Variants in ABHD12 observed in about 807,000 individuals in gnomAD.
ABHD12 encodes lysophosphatidylserine lipase ABHD12.
ABHD12 carries 43 observed loss-of-function variants against 58.3 expected under a neutral mutation model. The ratio of observed to expected loss-of-function variants is 0.74; its 90% confidence interval spans 0.58 to 0.95. The LOEUF is 0.95. Ranked by LOEUF, ABHD12 falls within the 40% of genes least tolerant of loss-of-function variation. The probability of loss-of-function intolerance (pLI) is 0.00; values close to 1 mark genes in which losing one functional copy is unlikely to be tolerated. For synonymous variants in ABHD12, 219 were observed against 211.2 expected (o/e 1.04, Z -0.32); for missense variants, 539 against 537.2 (o/e 1.00, Z -0.03).
chr20:25,315,988 C>CACAA (rs1209073128), intron 5 of ABHD12, among the ~76,000 whole-genome samples: 5 of 152,144 alleles, frequency 3.3e-5, no homozygotes, highest in Non-Finnish European at 7.4e-5. Flanking sequence ...AGCAACCAAG[C>CACAA]ACAAGTGAAG....
chr20:25,371,421 G>A (rs2089898901), intron 1 of ABHD12, among the ~76,000 whole-genome samples: 2 of 152,250 alleles, frequency 1.3e-5, no homozygotes, highest in South Asian at 2.1e-4. Context: ...GTTATAAAAC[G>A]CTTAGTAACC....
At chr20:25,359,469 T>C (rs977114094) in intron 1 of ABHD12, among the ~76,000 whole-genome samples, 2 of 151,934 alleles carry the variant, frequency 1.3e-5, no homozygotes, top group Admixed American at 1.3e-4. Context: ...CTGTTTCTTC[T>C]ATACATTTTT....
At chr20:25,299,361 C>G (rs1423374977), downstream of ABHD12, among the ~76,000 whole-genome samples, 1 of 152,050 alleles carries the variant, frequency 6.6e-6, no homozygotes, top group Non-Finnish European at 1.5e-5. Flanking sequence ...GATTGTGCCA[C>G]TGCACTCCAG....
intron 1 of ABHD12, among the ~76,000 whole-genome samples, chr20:25,376,832 ACT>A (rs1281341094): frequency 6.6e-6 from 1 of 152,054 alleles, no homozygotes; most frequent in Non-Finnish European, 1.5e-5. Context: ...CAGGAGCAAT[ACT>A]CTCAACACAG....
Position 25,308,337 on chromosome 20 carries a change from G to GC in ABHD12, c.787+119dup, listed in dbSNP as rs532700659. ...GGGAAGGGTGGCTGGTCAGCCCCGG[G>GC]CCCCCCAGAATGTGCAGCTCATGCT... is the stretch of plus-strand genomic sequence containing the variant. On this transcript the variant is annotated intron_variant, in intron 8 of 12. Transcript: ENST00000339157. 6.6e-5 allele frequency: 87 copies of GC among 1,317,878 alleles called. No homozygotes were observed. The East Asian group carries it at 2.0e-3, about 30-fold the overall frequency. 81.6% of individuals were successfully genotyped at this position (1,317,878 alleles called of 1,614,324 possible).
At chr20:25,389,240 T>C (rs2090137100) in intron 1 of ABHD12, among the ~76,000 whole-genome samples, 1 of 152,238 alleles carries the variant, frequency 6.6e-6, no homozygotes, top group Admixed American at 6.5e-5. Flanking sequence ...AACAGATTAG[T>C]TTCACAAAAG....
intron 2 of ABHD12, among the ~76,000 whole-genome samples, chr20:25,334,093 A>G (rs1258452940): frequency 6.6e-6 from 1 of 151,884 alleles, no homozygotes; most frequent in Non-Finnish European, 1.5e-5. Flanking sequence ...TTAAGCTGAT[A>G]AGCAACTTCA....
At chr20:25,311,297 G>C (rs957694252) in intron 6 of ABHD12, among the ~76,000 whole-genome samples, 1 of 152,194 alleles carries the variant, frequency 6.6e-6, no homozygotes, top group Non-Finnish European at 1.5e-5. Flanking sequence ...CAGAGAAAAA[G>C]GGAGAGGAGT....
At chr20:25,323,230 A>G (rs2089113045) in intron 3 of ABHD12, 95 bp downstream of exon 3, 1 of 811,448 alleles carries the variant, frequency 1.2e-6, no homozygotes, top group Non-Finnish European at 2.2e-6. Context: ...AAAAATGAAC[A>G]ACATTTCAGA....
intron 1 of ABHD12, among the ~76,000 whole-genome samples, chr20:25,373,290 TA>T (rs1308824251): frequency 6.6e-6 from 1 of 152,196 alleles, no homozygotes; most frequent in Non-Finnish European, 1.5e-5. Flanking sequence ...CTCAAACCTG[TA>T]ATCCCAGCAT....
At chr20:25,363,376 G>A (rs1414154605) in intron 1 of ABHD12, among the ~76,000 whole-genome samples, 5 of 151,588 alleles carry the variant, frequency 3.3e-5, no homozygotes, top group African/African-American at 9.7e-5. Flanking sequence ...ACGCACCCAC[G>A]CCCAGCTAAT....
intron 2 of ABHD12, among the ~76,000 whole-genome samples, chr20:25,323,784 A>AT (rs2089124856): frequency 1.3e-5 from 2 of 152,230 alleles, no homozygotes; most frequent in African/African-American, 2.4e-5. Context: ...GGAAGGAAAG[A>AT]TCCCCAACAG....
intron 1 of ABHD12, chr20:25,368,649 G>T: frequency 7.3e-7 from 1 of 1,369,812 alleles, no homozygotes; most frequent in Admixed American, 1.7e-5. Context: ...TCTCGCCAGT[G>T]CTCAGAGCAT....
At chr20:25,386,857 G>C (rs2090098081) in intron 1 of ABHD12, among the ~76,000 whole-genome samples, 1 of 151,872 alleles carries the variant, frequency 6.6e-6, no homozygotes, top group Non-Finnish European at 1.5e-5. Flanking sequence ...CTCCAGCCTG[G>C]GCAACAGAGT....
chr20:25,372,769 GCATTACTCA>G, intron 1 of ABHD12, among the ~76,000 whole-genome samples: 1 of 152,304 alleles, frequency 6.6e-6, no homozygotes, highest in South Asian at 2.1e-4. Flanking sequence ...ACAGTGAAAA[GCATTACTCA>G]CATTTGTGGT....
rs770833147 is a variant in ABHD12 at position 25,295,023 on chromosome 20, G to A, written c.1165C>T (p.Gln389Ter). 2 of 1,614,234 alleles carry A rather than the reference G, an allele frequency of 1.2e-6. No homozygotes were observed. Residue 389 changes from glutamine (Q) to a stop codon, truncating the protein, a stop_gained, in exon 13 of 13, where the codon CAG becomes TAG. Transcript: ENST00000376542. LOFTEE classifies it low-confidence loss of function (END_TRUNC). ...GGATCTGGGCTGGAACCTGGGCCCT[G>A]CTGAGGTCTGTGATAAAGGAAGTGC...
chr20:25,349,836 C>T (rs2089574398), intron 1 of ABHD12, among the ~76,000 whole-genome samples: 2 of 152,028 alleles, frequency 1.3e-5, no homozygotes. Flanking sequence ...GATGTTTGCA[C>T]AACAATGTGA....
chr20:25,327,223 C>T (rs2089191494), intron 2 of ABHD12, among the ~76,000 whole-genome samples: 1 of 152,238 alleles, frequency 6.6e-6, no homozygotes, highest in African/African-American at 2.4e-5. Flanking sequence ...AATCCCAGCA[C>T]TTTGGGAGGC....
chr20:25,295,537 CT>C, downstream of ABHD12: 2 of 1,528,058 alleles, frequency 1.3e-6, no homozygotes, highest in Non-Finnish European at 1.8e-6. Context: ...CCCTGGGACT[CT>C]CCCCTCGGGA....
Sources: gnomAD v4.1 joint callset for allele counts (sites outside exome capture counted in the v4.1 genomes callset) on GRCh38, gnomAD v4.1.1 for gene constraint, MANE v1.5 for transcripts, NCBI Gene and HGNC (gene_info 2026-07-23, HGNC 2026-07-21) for gene names.